STX18: variants seen among roughly 807,000 people sequenced by gnomAD.
STX18 encodes the protein syntaxin 18, also known as syntaxin-18.
A neutral mutation model predicts 50.1 loss-of-function variants in STX18; 40 were observed. The ratio of observed to expected loss-of-function variants is 0.80; its 90% CI spans 0.62 to 1.04. STX18 has a LOEUF of 1.04. Among genes scored for constraint, STX18 ranks in the 50% least tolerant of loss-of-function variants. The pLI, the probability that STX18 is intolerant of heterozygous loss-of-function variation, is 0.00. For missense variants in STX18, 410 were observed against 415.8 expected (o/e 0.99, Z 0.12); for synonymous variants, 158 against 151.8 (o/e 1.04, Z -0.30).
rs144690807 is a variant in STX18, at chr4:4,471,823, A to G, written c.169-117T>C. On this transcript the variant is annotated intron_variant, in intron 1 of 10. Transcript: ENST00000306200. ...AGAAAGATTCTGAAGCTACAAACTG[A>G]GCACCGTCGGTTTTGGACTCTCGTA... The G allele has an allele frequency of 8.1e-6, 6 of 742,306 alleles. No homozygotes were observed. The African/African-American group carries it at 9.1e-5, about 11-fold the overall frequency. 46.0% of individuals were successfully genotyped at this position (742,306 alleles called of 1,614,324 possible).
At chr4:4,536,405 A>G (rs1420329161) in intron 1 of STX18, among the ~76,000 whole-genome samples, 1 of 152,236 alleles carries the variant, frequency 6.6e-6, no homozygotes, top group Non-Finnish European at 1.5e-5. Context: ...CAACAAATAA[A>G]TGGATATATG....
intron 1 of STX18, among the ~76,000 whole-genome samples, chr4:4,500,054 A>G (rs1228177691): frequency 6.6e-6 from 1 of 152,034 alleles, no homozygotes; most frequent in Non-Finnish European, 1.5e-5. Context: ...CCTATCTTCA[A>G]TGGGATTTTT....
intron 1 of STX18, among the ~76,000 whole-genome samples, chr4:4,480,812 G>T (rs1477935670): frequency 6.6e-6 from 1 of 152,162 alleles, no homozygotes; most frequent in Admixed American, 6.5e-5. Flanking sequence ...AAAAACAGCA[G>T]TTTTTTCCCA....
intron 1 of STX18, among the ~76,000 whole-genome samples, chr4:4,482,934 T>C (rs1728531207): frequency 2.0e-5 from 3 of 152,316 alleles, no homozygotes. Context: ...AATAGCTAAA[T>C]AACCTATTGC....
intron 5 of STX18, among the ~76,000 whole-genome samples, chr4:4,446,507 C>G (rs1726417418): frequency 6.6e-6 from 1 of 152,174 alleles, no homozygotes; most frequent in African/African-American, 2.4e-5. Context: ...AAGACTTGAA[C>G]AGATACTTCA....
chr4:4,445,169 A>G (rs1311004347), intron 5 of STX18, among the ~76,000 whole-genome samples: 1 of 152,228 alleles, frequency 6.6e-6, no homozygotes, highest in Non-Finnish European at 1.5e-5. Flanking sequence ...TAGGAGGCCG[A>G]GGCAGGTGGA....
chr4:4,480,942 G>A (rs959304086), intron 1 of STX18, among the ~76,000 whole-genome samples: 9 of 152,220 alleles, frequency 5.9e-5, no homozygotes, highest in African/African-American at 1.9e-4. Flanking sequence ...ATGCACTACA[G>A]ATGAGTTGAG....
intron 8 of STX18, 131 bp from the exon 9 acceptor site, chr4:4,423,718 G>T: frequency 2.2e-6 from 2 of 889,596 alleles, no homozygotes; most frequent in Non-Finnish European, 1.8e-6. Context: ...GTGTCGGCTG[G>T]GGGAAGAGGA....
In STX18 at chr4:4,541,810, C is replaced by T; in HGVS notation, c.155G>A (p.Arg52Gln). ...SPRPKGDFSS[R>Q]AREVISHIGK... ...CAACCAGCTCACCACTTCGCGGGCC[C>T]GGCTGGAGAAGTCGCCCTTGGGCCG... The change falls in exon 1 of 11, where the codon CGG becomes CAG. Residue 52 changes from arginine to glutamine, a missense_variant. By Grantham distance (43) the Arg-to-Gln change is conservative. Coordinates refer to ENST00000306200, the MANE Select transcript of STX18 (RefSeq NM_016930.4). 1 of 1,609,438 alleles carries T rather than the reference C, an allele frequency of 6.2e-7. No homozygotes were observed. Among genetic ancestry groups the T allele is most frequent in the South Asian group, 1.1e-5 (1 of 90,604 alleles).
At chr4:4,449,418 C>T (rs1237631050) in intron 5 of STX18, among the ~76,000 whole-genome samples, 3 of 152,216 alleles carry the variant, frequency 2.0e-5, no homozygotes, top group African/African-American at 4.8e-5. Flanking sequence ...GCATCACACA[C>T]TGCTCCTAAC....
chr4:4,483,685 C>A (rs1728562650), intron 1 of STX18, among the ~76,000 whole-genome samples: 1 of 152,224 alleles, frequency 6.6e-6, no homozygotes. Context: ...ATCTAGAAGA[C>A]ACCTGCTTTG....
At chr4:4,499,760 T>C (rs944009341) in intron 1 of STX18, among the ~76,000 whole-genome samples, 3 of 152,174 alleles carry the variant, frequency 2.0e-5, no homozygotes, top group African/African-American at 4.8e-5. Flanking sequence ...CAGAATGTTA[T>C]CTTCAGGTCA....
intron 7 of STX18, among the ~76,000 whole-genome samples, chr4:4,433,387 G>T (rs1302486366): frequency 6.6e-6 from 1 of 151,980 alleles, no homozygotes; most frequent in South Asian, 2.1e-4. Flanking sequence ...ATTCCCCTGC[G>T]GAAGGCCGCA....
chr4:4,504,719 T>G (rs929860828), intron 1 of STX18, among the ~76,000 whole-genome samples: 9 of 152,170 alleles, frequency 5.9e-5, no homozygotes, highest in Admixed American at 1.3e-4. Context: ...TTTGGCTTCA[T>G]TAGCTATTAG....
At chr4:4,469,860 G>A (rs921787590) in intron 2 of STX18, among the ~76,000 whole-genome samples, 8 of 152,144 alleles carry the variant, frequency 5.3e-5, no homozygotes, top group African/African-American at 1.9e-4. Flanking sequence ...AGGAAACTGA[G>A]AGACCCTATT....
intron 1 of STX18, among the ~76,000 whole-genome samples, chr4:4,495,379 T>TTC (rs923152713): frequency 6.7e-6 from 1 of 150,308 alleles, no homozygotes; most frequent in East Asian, 1.9e-4. Flanking sequence ...CCTGTCTTTC[T>TTC]TCTCTCTCTC....
chr4:4,461,124 A>G (rs1727354351), intron 2 of STX18, among the ~76,000 whole-genome samples: 1 of 152,230 alleles, frequency 6.6e-6, no homozygotes, highest in South Asian at 2.1e-4. Flanking sequence ...ATGGAAACTC[A>G]GCTCAGTGAA....
Position 4,457,210 on chromosome 4 carries a change from C to G in STX18, c.478G>C (p.Val160Leu). Residue 160 changes from valine to leucine, a missense_variant, in exon 5 of 11, where the codon GTG (valine) becomes CTG (leucine). Physicochemically the swap from Val to Leu is conservative, Grantham distance 32 (BLOSUM62 1). Transcript: ENST00000306200. ...SEQRAIRVKR[V>L]VDKKRLSKLE... ...ACTTACAATCTTTTCTTATCCACCA[C>G]TCTTTTAACTCGGATGGCTCTCTGT... 1 of 1,614,116 alleles carries G rather than the reference C, an allele frequency of 6.2e-7. No homozygotes were observed. The highest frequency in any genetic ancestry group is 1.1e-5 in the South Asian group (1 of 91,082).
rs61740788 is a variant in STX18 at position 4,438,456 on chromosome 4, T to G, written c.551A>C (p.Glu184Ala). 73,843 of 1,613,710 alleles carry G rather than the reference T, an allele frequency of 0.046. 1,959 individuals carry two copies. Among genetic ancestry groups the G allele is most frequent in the African/African-American group, 0.064 (4,825 of 75,008 alleles). Residue 184 changes from glutamate (E) to alanine (A), a missense_variant, in exon 6 of 11, where the codon GAG (glutamate) becomes GCG (alanine). By Grantham distance (107) the Glu-to-Ala change is moderately radical. Transcript: ENST00000306200. Reference sequence around the variant, plus strand: ...TTTTGAAGGACTCTGTGAAACTTTCTCAGAAGATGTGGATTCTCTTGTCTT... The same window carrying G: ...TTTTGAAGGACTCTGTGAAACTTTCGCAGAAGATGTGGATTCTCTTGTCTT... ...NTKTRESTSS[E>A]KVSQSPSKDS...
Sources: gnomAD v4.1 joint callset for allele counts (sites outside exome capture counted in the v4.1 genomes callset) on GRCh38, gnomAD v4.1.1 for gene constraint, MANE v1.5 for transcripts, NCBI Gene and HGNC (gene_info 2026-07-23, HGNC 2026-07-21) for gene names.